Variants in NRG2 observed in about 807,000 individuals in gnomAD.
The protein encoded by NRG2 is neuregulin 2.
Under a neutral mutation model 73.9 loss-of-function variants are expected in NRG2, and 27 were observed. That is an observed-to-expected ratio of 0.37 (90% confidence interval 0.27 to 0.50). The LOEUF is 0.50. Among genes scored for constraint, NRG2 ranks in the 20% least tolerant of loss-of-function variants. NRG2 has a pLI of 0.96. For missense variants in NRG2, 1,126 were observed against 1,210.1 expected (o/e 0.93, Z 1.03); for synonymous variants, 532 against 541.0 (o/e 0.98, Z 0.23).
intron 1 of NRG2, among the ~76,000 whole-genome samples, chr5:140,039,162 T>C (rs1761721493): frequency 6.6e-6 from 1 of 152,232 alleles, no homozygotes; most frequent in Non-Finnish European, 1.5e-5. Flanking sequence ...TCATTTTTTA[T>C]GCTATTTACT....
At position 139,920,366 on chromosome 5, in the gene NRG2, A is replaced by T. The variant is rs530750277; in HGVS notation, c.701-32855T>A. ...TTCACCTTTGCAGTATGTCGCCCAA[A>T]TAAGCCATTAGTTTCTTGAGAGTAG... On this transcript the variant is annotated intron_variant, in intron 1 of 9. Coordinates refer to ENST00000361474, the MANE Select transcript of NRG2 (RefSeq NM_004883.3). Among the ~76,000 whole-genome samples the T allele has an allele frequency of 3.9e-4, 59 of 152,354 alleles. No individual in the cohort carries two copies. The South Asian group carries it at 4.4e-3, about 11-fold the overall frequency.
chr5:139,980,136 G>A lies in NRG2; in HGVS notation c.700+62234C>T, dbSNP rs528751899. Among the ~76,000 whole-genome samples, 7 of 152,226 alleles carry A rather than the reference G, an allele frequency of 4.6e-5. No individual in the cohort carries two copies. In the East Asian group the frequency reaches 1.2e-3, roughly 25 times the overall value. On this transcript the variant is annotated intron_variant, in intron 1 of 9. Transcript: ENST00000361474. ...CCTCTTACTCCCAGGACATCCGGAG[G>A]CAGATGGGTTTGGTGATGACAGCCC...
chr5:139,949,832 A>G (rs1239803924), intron 1 of NRG2, among the ~76,000 whole-genome samples: 1 of 152,154 alleles, frequency 6.6e-6, no homozygotes, highest in Non-Finnish European at 1.5e-5. Flanking sequence ...AGTCCTGCTC[A>G]CCTTGGTTTT....
chr5:139,909,533 A>T (rs912788702), intron 1 of NRG2, among the ~76,000 whole-genome samples: 3 of 152,228 alleles, frequency 2.0e-5, no homozygotes, highest in African/African-American at 7.2e-5. Flanking sequence ...AGTTGAAGAC[A>T]TCCCTGAGCC....
chr5:139,949,970 T>C (rs1754072900), intron 1 of NRG2, among the ~76,000 whole-genome samples: 2 of 152,130 alleles, frequency 1.3e-5, no homozygotes, highest in African/African-American at 4.8e-5. Flanking sequence ...TCTGTCTAAA[T>C]AGCAAAAGGC....
intron 3 of NRG2, among the ~76,000 whole-genome samples, chr5:139,877,147 T>A (rs900102536): frequency 1.3e-5 from 2 of 152,138 alleles, no homozygotes; most frequent in African/African-American, 2.4e-5. Flanking sequence ...GGATGAGACA[T>A]CTGTTTCTCT....
intron 1 of NRG2, among the ~76,000 whole-genome samples, chr5:139,979,332 G>A (rs1191911519): frequency 6.6e-6 from 1 of 152,108 alleles, no homozygotes; most frequent in African/African-American, 2.4e-5. Context: ...CACGAGTAGA[G>A]CCCCTCACCT....
intron 1 of NRG2, among the ~76,000 whole-genome samples, chr5:140,040,181 T>G (rs542844173): frequency 1.3e-5 from 2 of 152,306 alleles, no homozygotes; most frequent in South Asian, 4.1e-4. Context: ...TGGTACCTAT[T>G]TATATACTTC....
In NRG2 at chr5:139,852,702, C is replaced by T. The variant is rs532149632; in HGVS notation, c.1417-143G>A. On this transcript the variant is annotated intron_variant, in intron 7 of 9. Coordinates refer to ENST00000361474, the MANE Select transcript of NRG2 (RefSeq NM_004883.3). The surrounding 1 kb of genome is among the most constrained non-coding windows in gnomAD (Gnocchi z 4.4). Reference sequence around the variant, plus strand: ...TGAGAGTGACTTGATGTTGGGGCAGCGATGGCTCCAGCAAATCAACCCCCA... The same window carrying T: ...TGAGAGTGACTTGATGTTGGGGCAGTGATGGCTCCAGCAAATCAACCCCCA... The T allele has an allele frequency of 1.2e-4, 172 of 1,423,180 alleles. No homozygotes were observed. Among genetic ancestry groups the T allele is most frequent in the Non-Finnish European group, 1.5e-4 (158 of 1,043,352 alleles). The allele number at this position is 1,423,180 out of a possible 1,614,324, so 88.2% of individuals were successfully genotyped here.
At position 139,877,042 on chromosome 5, in the gene NRG2, C is replaced by T. The variant is rs559816754; in HGVS notation, c.991+3814G>A. 3.9e-5 allele frequency among the ~76,000 whole-genome samples: 6 copies of T among 152,168 alleles called. No individual in the cohort carries two copies. The South Asian group carries it at 1.2e-3, about 32-fold the overall frequency. On this transcript the variant is annotated intron_variant, in intron 3 of 9. Coordinates refer to ENST00000361474, the MANE Select transcript of NRG2 (RefSeq NM_004883.3). ...CTCCAGGGCTTCCATGGTCCTATGACACCCCAGGTCAAACCTGCCTGTCCT... is the reference window on the plus strand; with the variant it reads ...CTCCAGGGCTTCCATGGTCCTATGATACCCCAGGTCAAACCTGCCTGTCCT...
chr5:140,026,918 C>T (rs1216223948), intron 1 of NRG2, among the ~76,000 whole-genome samples: 2 of 152,070 alleles, frequency 1.3e-5, no homozygotes, highest in African/African-American at 4.8e-5. Context: ...GTTAAGACCC[C>T]GGAAAGATCA....
In NRG2 at chr5:139,904,153, C is replaced by A. The variant is rs1005104708; in HGVS notation, c.701-16642G>T. Among the ~76,000 whole-genome samples, 4 of 152,150 alleles carry A rather than the reference C, an allele frequency of 2.6e-5. No individual in the cohort carries two copies. Among genetic ancestry groups the A allele is most frequent in the Non-Finnish European group, 5.9e-5 (4 of 68,002 alleles). ...CCCCTTGCTCTCCCGGCCGCGACGA[C>A]CCGCTCGCACGCAGGCACGCGCGCC... On this transcript the variant is annotated intron_variant, in intron 1 of 9. Coordinates refer to ENST00000361474, the MANE Select transcript of NRG2 (RefSeq NM_004883.3). This position sits in a 1 kb window ranked among gnomAD's most constrained non-coding sequence, Gnocchi z 6.0.
At chr5:139,911,385 C>G (rs930832685) in intron 1 of NRG2, among the ~76,000 whole-genome samples, 1 of 152,112 alleles carries the variant, frequency 6.6e-6, no homozygotes, top group African/African-American at 2.4e-5. Context: ...AGTAGAGGAG[C>G]GGATGACCCC....
At chr5:139,946,582 CTT>C (rs35049711) in intron 1 of NRG2, among the ~76,000 whole-genome samples, 4,018 of 151,966 alleles carry the variant, frequency 0.026, 70 homozygotes, top group Middle Eastern at 0.065. Flanking sequence ...GGATATGACA[CTT>C]AAAGTATGAA....
chr5:139,855,627 G>A, intron 6 of NRG2, 49 bp downstream of exon 6: 1 of 1,445,270 alleles, frequency 6.9e-7, no homozygotes, highest in South Asian at 1.1e-5. Flanking sequence ...ATTCTTGGAG[G>A]CCCATCCCTT....
At chr5:140,005,606 G>A (rs184793085) in intron 1 of NRG2, among the ~76,000 whole-genome samples, 3 of 152,204 alleles carry the variant, frequency 2.0e-5, no homozygotes, top group African/African-American at 7.2e-5. Flanking sequence ...TGGCAAGAGT[G>A]CTCGTGGTCG....
chr5:139,865,551 T>G lies in NRG2; in HGVS notation c.1187A>C (p.Gln396Pro). The change falls in exon 5 of 10, where the codon CAA (glutamine) becomes CCA (proline). Residue 396 changes from glutamine to proline, a missense_variant and splice_region_variant. Gln to Pro is a moderately conservative substitution (Grantham distance 76). Around this residue, in one of 3 missense-constraint regions of NRG2, gnomAD observed 539 missense variants for 703.2 expected, o/e 0.77. Coordinates refer to ENST00000361474, the MANE Select transcript of NRG2 (RefSeq NM_004883.3). The surrounding 1 kb of genome is among the most constrained non-coding windows in gnomAD (Gnocchi z 5.2). ...PLRLYMPDPK[Q>P]KAEELYQKRV... ...TGTGTTTGTATCTTCAAACATACTTTGCTTAGGATCTGGCATGTACAATCG... is the reference window on the plus strand; with the variant it reads ...TGTGTTTGTATCTTCAAACATACTTGGCTTAGGATCTGGCATGTACAATCG... The G allele has an allele frequency of 6.2e-7, 1 of 1,611,942 alleles. No individual in the cohort carries two copies. The highest frequency in any genetic ancestry group is 1.3e-5 in the African/African-American group (1 of 74,934).
At chr5:139,967,576 A>C (rs1755629397) in intron 1 of NRG2, among the ~76,000 whole-genome samples, 1 of 152,186 alleles carries the variant, frequency 6.6e-6, no homozygotes, top group African/African-American at 2.4e-5. Flanking sequence ...CTGGTAACTG[A>C]AGATCCCTCA....
chr5:139,952,657 G>A (rs1305544639), intron 1 of NRG2, among the ~76,000 whole-genome samples: 3 of 152,198 alleles, frequency 2.0e-5, no homozygotes, highest in Non-Finnish European at 1.5e-5. Context: ...GCCCTACCAC[G>A]GTGGAGGAGG....
Sources: allele counts gnomAD v4.1 joint callset (sites outside exome capture counted in the v4.1 genomes callset), GRCh38; gene constraint gnomAD v4.1.1; regional missense constraint gnomAD v4.1.1; non-coding constraint Gnocchi (gnomAD v3.1); transcripts MANE v1.5; gene names NCBI Gene and HGNC (gene_info 2026-07-23, HGNC 2026-07-21).